Variants in MYRIP observed in about 807,000 individuals in gnomAD.
MYRIP encodes rab effector MyRIP.
In MYRIP, 49 loss-of-function variants were observed where a neutral mutation model predicts 98.0. The observed-to-expected ratio is 0.50, with a 90% CI of 0.40 to 0.63. The LOEUF is 0.63. Ranked by LOEUF, MYRIP falls within the 30% of genes least tolerant of loss-of-function variation. The pLI, the probability that MYRIP is intolerant of heterozygous loss-of-function variation, is 0.00. For synonymous variants in MYRIP, 404 were observed against 409.5 expected (o/e 0.99, Z 0.16); for missense variants, 1,004 against 1,058.2 (o/e 0.95, Z 0.71).
intron 1 of MYRIP, among the ~76,000 whole-genome samples, chr3:39,894,332 C>T (rs1943554501): frequency 1.3e-5 from 2 of 152,208 alleles, no homozygotes. Flanking sequence ...CACTACACTG[C>T]TTCTAACATT....
Position 40,190,344 on chromosome 3 carries a change from G to T in MYRIP, c.1546G>T (p.Ala516Ser), listed in dbSNP as rs747563201. 4.3e-6 allele frequency: 7 copies of T among 1,613,808 alleles called. No individual in the cohort carries two copies. The East Asian group carries it at 1.6e-4, about 36-fold the overall frequency. Reference sequence around the variant, plus strand: ...CTCGGACAGCAGCGAGCCGGAGGAGGCCCCCCACACCACAGACCGGCGGGC... The same window carrying T: ...CTCGGACAGCAGCGAGCCGGAGGAGTCCCCCCACACCACAGACCGGCGGGC... Reference protein sequence around the residue: ...ETSDSSEPEEAPHTTDRRARR... With the variant: ...ETSDSSEPEESPHTTDRRARR... The change falls in exon 10 of 17, where the codon GCC becomes TCC. Residue 516 changes from alanine to serine, a missense_variant. Coordinates refer to ENST00000302541, the MANE Select transcript of MYRIP (RefSeq NM_015460.4).
chr3:40,155,074 C>T (rs1334459644), intron 4 of MYRIP, among the ~76,000 whole-genome samples: 1 of 151,838 alleles, frequency 6.6e-6, no homozygotes, highest in Non-Finnish European at 1.5e-5. Context: ...ATGTGCCATG[C>T]TGGTGCGCTG....
intron 3 of MYRIP, among the ~76,000 whole-genome samples, chr3:40,084,291 CGATATATAATACACATCTATGTATTATA>C (rs1948554229): frequency 2.8e-5 from 2 of 72,010 alleles, no homozygotes; most frequent in Non-Finnish European, 6.1e-5. Context: ...TATTATATAT[CGATATATAATACACATCTATGTATTATA>C]TATCGATAGA....
chr3:39,986,951 C>A (rs773137156), intron 2 of MYRIP, among the ~76,000 whole-genome samples: 1 of 152,086 alleles, frequency 6.6e-6, no homozygotes, highest in Non-Finnish European at 1.5e-5. Context: ...GCTACTCTTA[C>A]AATAAATCAT....
chr3:40,244,693 G>T, intron 13 of MYRIP, 86 bp downstream of exon 13: 2 of 1,388,382 alleles, frequency 1.4e-6, no homozygotes, highest in Non-Finnish European at 9.6e-7. Context: ...TAAAGCCATT[G>T]TATCTATCAG....
At chr3:40,052,496 T>C (rs1270035440) in intron 3 of MYRIP, among the ~76,000 whole-genome samples, 1 of 152,188 alleles carries the variant, frequency 6.6e-6, no homozygotes, top group Non-Finnish European at 1.5e-5. Flanking sequence ...ATATTGAACC[T>C]CATTAGAAAT....
chr3:40,089,173 A>ATGACAGGAGACACTAGG (rs1433428311), intron 3 of MYRIP, among the ~76,000 whole-genome samples: 1 of 152,160 alleles, frequency 6.6e-6, no homozygotes, highest in Non-Finnish European at 1.5e-5. Context: ...TTACTGCTAT[A>ATGACAGGAGACACTAGG]TGACAGGAGA....
At position 39,994,580 on chromosome 3, in the gene MYRIP, C is replaced by A. The variant is rs907142909; in HGVS notation, c.111-49470C>A. Among the ~76,000 whole-genome samples, 6 of 152,348 alleles carry A rather than the reference C, an allele frequency of 3.9e-5. No homozygotes were observed. In the South Asian group the frequency reaches 1.2e-3, roughly 32 times the overall value. On this transcript the variant is annotated intron_variant, in intron 2 of 16. Transcript: ENST00000302541. ...TGGAGCCCACCACAGCTCAAGGAGGCCTGCCTGCCTCTGTAGACTCCACCT... is the reference window on the plus strand; with the variant it reads ...TGGAGCCCACCACAGCTCAAGGAGGACTGCCTGCCTCTGTAGACTCCACCT...
intron 11 of MYRIP, among the ~76,000 whole-genome samples, chr3:40,224,387 G>A (rs918931080): frequency 1.2e-4 from 18 of 148,172 alleles, no homozygotes; most frequent in African/African-American, 4.5e-4. Flanking sequence ...AGGAACTATT[G>A]TCTGAGGAAC....
chr3:40,110,219 C>G (rs1299966367), intron 3 of MYRIP, among the ~76,000 whole-genome samples: 1 of 152,174 alleles, frequency 6.6e-6, no homozygotes, highest in East Asian at 1.9e-4. Flanking sequence ...TTGAAAAGCC[C>G]TTTTATCTGT....
chr3:40,040,078 C>A (rs962108387), intron 2 of MYRIP, among the ~76,000 whole-genome samples: 12 of 152,170 alleles, frequency 7.9e-5, no homozygotes, highest in Admixed American at 6.5e-4. Flanking sequence ...ATAACTACAT[C>A]TCAAAATTCT....
chr3:40,029,866 C>G (rs1575477885), intron 2 of MYRIP, among the ~76,000 whole-genome samples: 2 of 151,976 alleles, frequency 1.3e-5, no homozygotes, highest in African/African-American at 4.8e-5. Context: ...TTGAGACCAG[C>G]CTGGGCAGCA....
intron 1 of MYRIP, among the ~76,000 whole-genome samples, chr3:39,838,114 A>G (rs1941681718): frequency 6.6e-6 from 1 of 152,000 alleles, no homozygotes; most frequent in South Asian, 2.1e-4. Flanking sequence ...TTGGCCTGAG[A>G]CAGTGGGGTT....
intron 10 of MYRIP, among the ~76,000 whole-genome samples, chr3:40,200,643 A>G (rs1951529741): frequency 6.6e-6 from 1 of 152,226 alleles, no homozygotes; most frequent in Admixed American, 6.5e-5. Flanking sequence ...TAGCAATAAA[A>G]CCATGTCAAT....
chr3:39,995,006 A>G (rs918396818), intron 2 of MYRIP, among the ~76,000 whole-genome samples: 4 of 152,204 alleles, frequency 2.6e-5, no homozygotes, highest in Non-Finnish European at 4.4e-5. Flanking sequence ...ACTAAAAAAC[A>G]GAAAGGACAT....
intron 2 of MYRIP, among the ~76,000 whole-genome samples, chr3:39,940,622 AT>A (rs1944762546): frequency 6.6e-6 from 1 of 152,056 alleles, no homozygotes; most frequent in African/African-American, 2.4e-5. Context: ...AAATTATTTT[AT>A]TTTTTAATGG....
intron 11 of MYRIP, 25 bp downstream of exon 11, chr3:40,210,118 G>A (rs1444126977): frequency 1.2e-6 from 2 of 1,610,168 alleles, no homozygotes; most frequent in Non-Finnish European, 1.7e-6. Flanking sequence ...GCCACCTGCA[G>A]ACAGCTCAAG....
chr3:39,886,289 A>T (rs992550873), intron 1 of MYRIP, among the ~76,000 whole-genome samples: 22 of 152,112 alleles, frequency 1.4e-4, no homozygotes, highest in Admixed American at 3.9e-4. Context: ...ACTAACGAGC[A>T]AACTAACCAG....
intron 2 of MYRIP, among the ~76,000 whole-genome samples, chr3:39,972,510 T>C (rs567995385): frequency 1.3e-5 from 2 of 152,228 alleles, no homozygotes; most frequent in Admixed American, 6.6e-5. Context: ...AACATTGCTT[T>C]TTAAGACTAC....
Sources: gnomAD v4.1 joint callset for allele counts (sites outside exome capture counted in the v4.1 genomes callset) on GRCh38, gnomAD v4.1.1 for gene constraint, MANE v1.5 for transcripts, NCBI Gene and HGNC (gene_info 2026-07-23, HGNC 2026-07-21) for gene names.